DNAH14: variants seen among roughly 807,000 people sequenced by gnomAD.
DNAH14 encodes the protein dynein axonemal heavy chain 14.
A neutral mutation model predicts 520.9 loss-of-function variants in DNAH14; 478 were observed. The observed-to-expected ratio is 0.92, with a 90% CI of 0.85 to 0.99. The LOEUF (loss-of-function observed/expected upper bound fraction) is 0.99. DNAH14 is among the 50% of genes least tolerant of loss of function. The pLI, the probability that DNAH14 is intolerant of heterozygous loss-of-function variation, is 0.00. For synonymous variants in DNAH14, 1,581 were observed against 1,757.2 expected, an observed-to-expected ratio of 0.90 and a Z score of 2.51; for missense variants, 4,831 against 5,234.5, an observed-to-expected ratio of 0.92 and a Z score of 2.38.
At chr1:225,266,586 A>G (rs1260177309) in intron 48 of DNAH14, 55 bp from the exon 49 acceptor site, 1 of 1,290,018 alleles carries the variant, frequency 7.8e-7, no homozygotes, top group African/African-American at 1.6e-5. Context: ...CCTAATTCAT[A>G]ATTTAAAGAA....
chr1:225,366,526 C>T (rs752610512), intron 76 of DNAH14, among the ~76,000 whole-genome samples: 7 of 152,082 alleles, frequency 4.6e-5, no homozygotes, highest in East Asian at 1.9e-4. Context: ...TCATAGCAGT[C>T]GGGAAACAGT....
intron 6 of DNAH14, chr1:224,967,799 A>T: frequency 5.6e-6 from 8 of 1,416,840 alleles, no homozygotes; most frequent in Non-Finnish European, 7.4e-6. Flanking sequence ...ACTTTAATAA[A>T]TTTTTTCATC....
At chr1:225,101,695 C>G (rs978065979) in intron 23 of DNAH14, among the ~76,000 whole-genome samples, 2 of 152,122 alleles carry the variant, frequency 1.3e-5, no homozygotes, top group Non-Finnish European at 2.9e-5. Flanking sequence ...AGATCTCATT[C>G]TCTTTTATGG....
At chr1:225,318,551 T>C (rs759340584) in intron 60 of DNAH14, 32 bp from the exon 61 acceptor site, 236 of 1,506,064 alleles carry the variant, frequency 1.6e-4, no homozygotes, top group Non-Finnish European at 2.0e-4. Context: ...TATTGATTCA[T>C]ATGTGTTTGG....
intron 41 of DNAH14, among the ~76,000 whole-genome samples, chr1:225,219,899 A>C (rs1480240981): frequency 6.6e-6 from 1 of 152,208 alleles, no homozygotes; most frequent in East Asian, 1.9e-4. Flanking sequence ...ATCAATGTGA[A>C]AATCCTCAAT....
chr1:224,997,428 G>GTTTT (rs35341220), intron 8 of DNAH14, among the ~76,000 whole-genome samples: 155 of 150,126 alleles, frequency 1.0e-3, no homozygotes, highest in South Asian at 2.8e-3. Flanking sequence ...TCAAAGGCAG[G>GTTTT]TTTTTTTTTG....
intron 36 of DNAH14, among the ~76,000 whole-genome samples, chr1:225,171,955 G>A (rs12402229): frequency 6.6e-6 from 1 of 152,054 alleles, no homozygotes; most frequent in Non-Finnish European, 1.5e-5. Context: ...TGCAAGGCTG[G>A]TTCATCATAC....
At chr1:225,030,673 T>G (rs1462140495) in intron 11 of DNAH14, among the ~76,000 whole-genome samples, 2 of 151,940 alleles carry the variant, frequency 1.3e-5, no homozygotes, top group African/African-American at 4.8e-5. Flanking sequence ...GGTAGAAAAT[T>G]GATTAATTAA....
At chr1:225,035,502 T>G (rs2066888545) in intron 11 of DNAH14, among the ~76,000 whole-genome samples, 1 of 150,124 alleles carries the variant, frequency 6.7e-6, no homozygotes, top group Admixed American at 6.8e-5. Flanking sequence ...ATTTGAAGTT[T>G]TTTTTTGTTT....
chr1:224,989,444 C>T (rs1199468637), intron 8 of DNAH14, among the ~76,000 whole-genome samples: 1 of 150,268 alleles, frequency 6.7e-6, no homozygotes, highest in Non-Finnish European at 1.5e-5. Context: ...GTTGAACTCA[C>T]TTAATAGTTC....
At chr1:224,975,600 A>C (rs918701097) in intron 8 of DNAH14, among the ~76,000 whole-genome samples, 2 of 150,962 alleles carry the variant, frequency 1.3e-5, no homozygotes, top group African/African-American at 4.9e-5. Flanking sequence ...TATTGCGTCT[A>C]TTTGATTCTT....
chr1:224,957,672 T>C (rs1355492330), intron 3 of DNAH14, among the ~76,000 whole-genome samples: 1 of 152,106 alleles, frequency 6.6e-6, no homozygotes, highest in Non-Finnish European at 1.5e-5. Flanking sequence ...GGAGGAGTGG[T>C]CTAAAGTATC....
rs1192164906 is a variant in DNAH14, at chr1:225,206,060, T to C, written c.6067T>C (p.Leu2023=). The C allele has an allele frequency of 1.1e-5, 17 of 1,551,486 alleles. No homozygotes were observed. Among genetic ancestry groups the C allele is most frequent in the South Asian group, 2.4e-5 (2 of 84,066 alleles). Residue 2023 remains leucine, a synonymous_variant, in exon 40 of 86, where the codon TTG becomes CTG. Transcript: ENST00000682510. The part of the protein sequence containing the change: ...LNSVLDDTRT[L]CLANSERIAL... Reference sequence around the variant, plus strand: ...CTCTGTGCTAGATGATACTAGAACATTGTGCCTAGCAAACAGTGAGAGAAT... The same window carrying C: ...CTCTGTGCTAGATGATACTAGAACACTGTGCCTAGCAAACAGTGAGAGAAT...
intron 34 of DNAH14, 104 bp downstream of exon 34, chr1:225,153,930 G>A (rs1009107338): frequency 6.1e-5 from 48 of 781,514 alleles, no homozygotes; most frequent in African/African-American, 2.3e-4. Flanking sequence ...AGGGAGCCCC[G>A]CAGACTGTCA....
At chr1:225,362,574 C>CAA (rs56104945) in intron 75 of DNAH14, among the ~76,000 whole-genome samples, 29,354 of 120,656 alleles carry the variant, frequency 0.24, 3,968 homozygotes, top group African/African-American at 0.41. Flanking sequence ...GACTCAGTCT[C>CAA]AAAAAAAAAA....
At chr1:225,089,464 A>AAAAAAAAAAAAAAAAAAAAAAAAAAG (rs775049047) in intron 21 of DNAH14, among the ~76,000 whole-genome samples, 13 of 138,392 alleles carry the variant, frequency 9.4e-5, no homozygotes, top group Non-Finnish European at 1.7e-4. Context: ...AAAAAAAAAA[A>AAAAAAAAAAAAAAAAAAAAAAAAAAG]AGAGAGCGAG....
chr1:225,188,403 T>G (rs2084997023), intron 37 of DNAH14, among the ~76,000 whole-genome samples: 1 of 151,976 alleles, frequency 6.6e-6, no homozygotes, highest in East Asian at 1.9e-4. Flanking sequence ...CAGTTTTAAG[T>G]TATTACATCA....
chr1:225,072,617 T>C (rs1396131423), intron 17 of DNAH14, among the ~76,000 whole-genome samples: 1 of 152,232 alleles, frequency 6.6e-6, no homozygotes, highest in Non-Finnish European at 1.5e-5. Context: ...TTCTGGCTTT[T>C]TGAGTTTTTA....
At chr1:225,207,752 T>C (rs1031187339) in intron 41 of DNAH14, among the ~76,000 whole-genome samples, 1 of 152,168 alleles carries the variant, frequency 6.6e-6, no homozygotes, top group African/African-American at 2.4e-5. Flanking sequence ...ATTCTCTCTC[T>C]GAAACCAGTT....
Sources: gnomAD v4.1 joint callset for allele counts (sites outside exome capture counted in the v4.1 genomes callset) on GRCh38, gnomAD v4.1.1 for gene constraint, MANE v1.5 for transcripts, NCBI Gene and HGNC (gene_info 2026-07-23, HGNC 2026-07-21) for gene names.